Variants in AIDA observed in about 807,000 individuals in gnomAD.
AIDA encodes the protein axin interactor, dorsalization-associated protein.
Under a neutral mutation model 42.7 loss-of-function variants are expected in AIDA, and 18 were observed. That is an observed-to-expected ratio of 0.42 (90% confidence interval 0.29 to 0.63). The LOEUF (loss-of-function observed/expected upper bound fraction) is 0.63, where lower values mean the gene tolerates loss of function less well. AIDA is among the 20% of genes least tolerant of loss of function. The pLI is 0.19. For missense variants in AIDA, 250 were observed against 354.1 expected (o/e 0.71, Z 2.36); for synonymous variants, 104 against 122.9 (o/e 0.85, Z 1.02).
At chr1:222,696,056 A>T (rs1655513143) in intron 2 of AIDA, among the ~76,000 whole-genome samples, 2 of 152,236 alleles carry the variant, frequency 1.3e-5, no homozygotes, top group South Asian at 4.1e-4. Flanking sequence ...ATAAGTGACA[A>T]TATTGAACCA....
intron 6 of AIDA, among the ~76,000 whole-genome samples, chr1:222,683,293 T>A (rs1294884786): frequency 2.0e-5 from 3 of 152,164 alleles, no homozygotes; most frequent in African/African-American, 4.8e-5. Context: ...GCCCTGATAG[T>A]CACAGGAAAG....
chr1:222,689,026 C>A (rs1655274171), intron 4 of AIDA, among the ~76,000 whole-genome samples: 1 of 151,792 alleles, frequency 6.6e-6, no homozygotes, highest in Non-Finnish European at 1.5e-5. Context: ...TGATCCTGAC[C>A]CCGTGTAGGC....
chr1:222,699,117 G>A (rs1264901354), intron 2 of AIDA, among the ~76,000 whole-genome samples: 4 of 152,134 alleles, frequency 2.6e-5, no homozygotes, highest in Non-Finnish European at 4.4e-5. Flanking sequence ...GAGACACCCC[G>A]TCTGGCCAAA....
chr1:222,708,940 C>G (rs769424796), intron 1 of AIDA, among the ~76,000 whole-genome samples: 1 of 152,116 alleles, frequency 6.6e-6, no homozygotes, highest in African/African-American at 2.4e-5. Flanking sequence ...TTCATCCATT[C>G]AATAGAATAA....
chr1:222,681,283 A>C (rs572042582), intron 6 of AIDA, among the ~76,000 whole-genome samples: 2 of 152,230 alleles, frequency 1.3e-5, no homozygotes, highest in African/African-American at 4.8e-5. Context: ...TGCTGCTATC[A>C]AAATTCTCAC....
intron 4 of AIDA, among the ~76,000 whole-genome samples, chr1:222,689,477 GTGTGTATATATATATA>G (rs1263000428): frequency 3.0e-3 from 83 of 27,968 alleles, no homozygotes; most frequent in African/African-American, 0.016. Context: ...GTATGTGTGT[GTGTGTATATATATATA>G]TATATATATA....
At chr1:222,685,253 G>A (rs1392951320) in intron 6 of AIDA, among the ~76,000 whole-genome samples, 1 of 152,166 alleles carries the variant, frequency 6.6e-6, no homozygotes, top group African/African-American at 2.4e-5. Flanking sequence ...ATGCTAAATG[G>A]TTTATACTTA....
rs1655443219 is a variant in AIDA, at chr1:222,693,862, T to G, written c.235-19A>C. 1 of 1,586,890 alleles carries G rather than the reference T, an allele frequency of 6.3e-7. No individual in the cohort carries two copies. On this transcript the variant is annotated intron_variant, in intron 3 of 9. Coordinates refer to ENST00000340020, the MANE Select transcript of AIDA (RefSeq NM_022831.4). ...GTGTGGACTAAATTTAAAATAAGCATATTACATCTTTTCACTACAAGGATT... is the reference window on the plus strand; with the variant it reads ...GTGTGGACTAAATTTAAAATAAGCAGATTACATCTTTTCACTACAAGGATT...
chr1:222,695,312 C>T (rs544250429), intron 2 of AIDA, among the ~76,000 whole-genome samples: 4 of 152,192 alleles, frequency 2.6e-5, no homozygotes, highest in Admixed American at 6.5e-5. Flanking sequence ...GCCAACATGG[C>T]GAAACTCTGT....
chr1:222,689,418 C>G (rs1655286120), intron 4 of AIDA, among the ~76,000 whole-genome samples: 1 of 144,640 alleles, frequency 6.9e-6, no homozygotes, highest in Non-Finnish European at 1.5e-5. Flanking sequence ...CCAGCCTGGT[C>G]AACAGAGCCA....
At chr1:222,703,015 A>G in intron 2 of AIDA, 133 bp downstream of exon 2, 1 of 621,002 alleles carries the variant, frequency 1.6e-6, no homozygotes, top group South Asian at 2.4e-5. Flanking sequence ...AAGCATAATC[A>G]ATATCATTCT....
chr1:222,701,764 C>T (rs893485046), intron 2 of AIDA, among the ~76,000 whole-genome samples: 30 of 152,160 alleles, frequency 2.0e-4, no homozygotes, highest in African/African-American at 7.0e-4. Flanking sequence ...CTGGCTGTCG[C>T]GCAGGCTGGA....
chr1:222,685,799 G>C (rs944711732), intron 6 of AIDA, among the ~76,000 whole-genome samples: 1 of 152,180 alleles, frequency 6.6e-6, no homozygotes, highest in Non-Finnish European at 1.5e-5. Flanking sequence ...AGATGGGGAA[G>C]AAAGGGCAAT....
At chr1:222,677,096 C>A (rs1328737710) in intron 6 of AIDA, among the ~76,000 whole-genome samples, 1 of 152,022 alleles carries the variant, frequency 6.6e-6, no homozygotes, top group Non-Finnish European at 1.5e-5. Context: ...CTTTTCTTCA[C>A]AAAAGTCTTA....
At chr1:222,693,002 T>C (rs1655409422) in intron 4 of AIDA, among the ~76,000 whole-genome samples, 1 of 152,180 alleles carries the variant, frequency 6.6e-6, no homozygotes, top group South Asian at 2.1e-4. Context: ...TAGAAGTGGC[T>C]ACTAAGGGCT....
rs1656086321 is a variant in AIDA, at chr1:222,712,103, T to TGA, written c.110+103_110+104dup. 2.0e-6 allele frequency: 3 copies of TGA among 1,518,044 alleles called. No individual in the cohort carries two copies. The South Asian group carries it at 3.7e-5, about 19-fold the overall frequency. 94.0% of individuals were successfully genotyped at this position (1,518,044 alleles called of 1,614,324 possible). ...CCCCAGTGCCTGCGGAGCCCCACCC[T>TGA]GAGAAGCCTTGGCTGCAGATACGGT... On this transcript the variant is annotated intron_variant, in intron 1 of 9. Transcript: ENST00000340020.
Position 222,690,873 on chromosome 1 carries a change from T to C in AIDA, c.289+2916A>G, listed in dbSNP as rs77769886. Among the ~76,000 whole-genome samples, 230 of 152,296 alleles carry C rather than the reference T, an allele frequency of 1.5e-3. 6 individuals carry two copies. In the South Asian group the frequency reaches 0.021, roughly 14 times the overall value. The stretch of plus-strand genomic sequence containing the variant: ...CTTTCTTTCTTCTTCTCAACAAATA[T>C]GGATTGAGTGCCTATAATGTTCCAA... On this transcript the variant is annotated intron_variant, in intron 4 of 9. Transcript: ENST00000340020.
intron 2 of AIDA, among the ~76,000 whole-genome samples, chr1:222,701,863 A>G (rs1300533047): frequency 6.6e-6 from 1 of 152,070 alleles, no homozygotes; most frequent in Non-Finnish European, 1.5e-5. Context: ...AGCTGGGATT[A>G]CAGGCACACA....
intron 6 of AIDA, among the ~76,000 whole-genome samples, chr1:222,680,159 A>G (rs1015566422): frequency 1.3e-5 from 2 of 152,224 alleles, no homozygotes; most frequent in African/African-American, 2.4e-5. Context: ...GAAAGAGACT[A>G]TGCAGCCCCT....
Sources: gnomAD v4.1 joint callset for allele counts (sites outside exome capture counted in the v4.1 genomes callset) on GRCh38, gnomAD v4.1.1 for gene constraint, MANE v1.5 for transcripts, NCBI Gene and HGNC (gene_info 2026-07-23, HGNC 2026-07-21) for gene names.